TBX5: variants seen among roughly 807,000 people sequenced by gnomAD.
TBX5 encodes T-box transcription factor 5.
A neutral mutation model predicts 51.1 loss-of-function variants in TBX5; 8 were observed. The ratio of observed to expected loss-of-function variants is 0.16; its 90% CI spans 0.09 to 0.28. TBX5 has a LOEUF of 0.28. Ranked by LOEUF, TBX5 falls within the 10% of genes least tolerant of loss-of-function variation. The probability of loss-of-function intolerance (pLI) is 1.00; values close to 1 mark genes in which losing one functional copy is unlikely to be tolerated. For missense variants in TBX5, 589 were observed against 671.7 expected (o/e 0.88, Z 1.36); for synonymous variants, 302 against 266.4 (o/e 1.13, Z -1.30).
chr12:114,366,765 C>A (rs906070806), intron 7 of TBX5, among the ~76,000 whole-genome samples: 2 of 152,168 alleles, frequency 1.3e-5, no homozygotes, highest in African/African-American at 4.8e-5. Flanking sequence ...GCTAGTTAAT[C>A]TGAGTATTTA....
chr12:114,360,622 G>GGATGGATGAGTGGGTA (rs765400433), intron 8 of TBX5, among the ~76,000 whole-genome samples: 1 of 150,800 alleles, frequency 6.6e-6, no homozygotes. Context: ...GGTGATGGCT[G>GGATGGATGAGTGGGTA]GATGGATGAG....
At chr12:114,389,849 T>A (rs1871064571) in intron 6 of TBX5, among the ~76,000 whole-genome samples, 1 of 144,578 alleles carries the variant, frequency 6.9e-6, no homozygotes, top group Non-Finnish European at 1.5e-5. Context: ...GTCTCAGAAG[T>A]AAATGTCGAA....
At chr12:114,391,328 T>C (rs1336116899) in intron 6 of TBX5, among the ~76,000 whole-genome samples, 1 of 152,220 alleles carries the variant, frequency 6.6e-6, no homozygotes, top group Non-Finnish European at 1.5e-5. Context: ...CTTATTTAAA[T>C]TCCCAGTCTT....
rs1055011157 is a variant in TBX5, at chr12:114,405,697, G to A, written c.-108C>T. 2 of 985,474 alleles carry A rather than the reference G, an allele frequency of 2.0e-6. No individual in the cohort carries two copies. The highest frequency in any genetic ancestry group is 1.2e-6 in the Non-Finnish European group (1 of 829,974). The allele number at this position is 985,474 out of a possible 1,614,324, so 61.0% of individuals were successfully genotyped here. A position where few individuals can be genotyped will look rare whatever the true frequency, so the allele number is the denominator to read the frequency against. On this transcript the variant is annotated 5_prime_UTR_variant, in exon 1 of 9. Transcript: ENST00000405440. ...CTAGCAGGGAAGCCGGCGGTGAGGC[G>A]GGGGAGCAGGCATGGTGGCTCCGGG...
At position 114,394,820 on chromosome 12, in the gene TBX5, C is replaced by G. The variant is rs564042302; in HGVS notation, c.584G>C (p.Gly195Ala). The G allele has an allele frequency of 3.1e-6, 5 of 1,614,058 alleles. No homozygotes were observed. The highest frequency in any genetic ancestry group is 3.4e-6 in the Non-Finnish European group (4 of 1,179,992). ...IVKADENNGF[G>A]SKNTAFCTHV... ...AGTGCAGAACGCTGTATTTTTTGAG[C>G]CAAATCCATTATTTTCATCCGCTTT... The change falls in exon 6 of 9, where the codon GGC (glycine) becomes GCC (alanine). Residue 195 changes from glycine (G) to alanine (A), a missense_variant. Physicochemically the swap from Gly to Ala is moderately conservative, Grantham distance 60 (BLOSUM62 0). This residue lies in a region of TBX5 where 20 missense variants were observed against 50.9 expected (regional missense o/e 0.39). Coordinates refer to ENST00000405440, the MANE Select transcript of TBX5 (RefSeq NM_181486.4).
upstream of TBX5, chr12:114,408,193 G>A: frequency 1.0e-6 from 1 of 985,396 alleles, no homozygotes; most frequent in Non-Finnish European, 1.2e-6. Flanking sequence ...TCGCCTATCA[G>A]TGCCGGGTCT....
At chr12:114,405,580 C>A (rs1019219064) in intron 1 of TBX5, 48 bp downstream of exon 1, 2 of 502,206 alleles carry the variant, frequency 4.0e-6, no homozygotes, top group East Asian at 1.5e-4. Context: ...CCGACTCGGC[C>A]GACGAGCTCC....
At position 114,406,046 on chromosome 12, in the gene TBX5, GTC is replaced by G; in HGVS notation, c.-459_-458del. On this transcript the variant is annotated 5_prime_UTR_variant, in exon 1 of 9. Transcript: ENST00000405440. ...GTTCCCGGATTCGAGGTAAGAGTCA[GTC>G]TCTCTCACTCTCTCTCCCTCTCTCT... 1 of 984,856 alleles carries G rather than the reference GTC, an allele frequency of 1.0e-6. No homozygotes were observed. 61.0% of individuals were successfully genotyped at this position (984,856 alleles called of 1,614,324 possible). A position where few individuals can be genotyped will look rare whatever the true frequency, so the allele number is the denominator to read the frequency against.
chr12:114,366,799 C>A (rs191709367), intron 7 of TBX5, among the ~76,000 whole-genome samples: 22 of 152,072 alleles, frequency 1.4e-4, no homozygotes, highest in Non-Finnish European at 2.9e-4. Context: ...TGTGGGTGTC[C>A]ATCTTTAAGG....
chr12:114,371,380 C>T (rs542222054), intron 7 of TBX5, among the ~76,000 whole-genome samples: 3 of 152,220 alleles, frequency 2.0e-5, no homozygotes, highest in South Asian at 4.2e-4. Context: ...TTCTGTTCCA[C>T]GTGAGCGAGT....
chr12:114,396,952 G>C (rs1418863315), intron 5 of TBX5, among the ~76,000 whole-genome samples: 2 of 152,128 alleles, frequency 1.3e-5, no homozygotes, highest in Non-Finnish European at 2.9e-5. Flanking sequence ...AATGCCTTCC[G>C]AGCGCTCCAA....
rs989260918 is a variant in TBX5 at position 114,405,607 on chromosome 12, G to A, written c.-39+21C>T. The A allele has an allele frequency of 1.2e-5, 9 of 763,774 alleles. No homozygotes were observed. The Admixed American group carries it at 3.1e-4, about 27-fold the overall frequency. 47.3% of individuals were successfully genotyped at this position (763,774 alleles called of 1,614,324 possible). On this transcript the variant is annotated intron_variant, in intron 1 of 8. Coordinates refer to ENST00000405440, the MANE Select transcript of TBX5 (RefSeq NM_181486.4). ...ACGAGCTCCCTCCTGAGCCTCCCGG[G>A]CCATCTGCCGGGACGGTTACCTCGT...
In TBX5 at chr12:114,398,474, T is replaced by C. The variant is rs532510929; in HGVS notation, c.510+99A>G. 6.5e-5 allele frequency: 98 copies of C among 1,499,722 alleles called. 3 individuals carry two copies. The South Asian group carries it at 1.2e-3, about 18-fold the overall frequency. 92.9% of individuals were successfully genotyped at this position (1,499,722 alleles called of 1,614,324 possible). ...AAAATGGAGGAAAGAAAAGGAGAAA[T>C]GTAGGCACACAGAGCCAAGAAGGGA... On this transcript the variant is annotated intron_variant, in intron 5 of 8. Transcript: ENST00000405440.
At chr12:114,385,882 C>T (rs376372706) in intron 6 of TBX5, among the ~76,000 whole-genome samples, 1 of 150,684 alleles carries the variant, frequency 6.6e-6, no homozygotes, top group African/African-American at 2.4e-5. Context: ...GTTTTAAACA[C>T]CATCTAGGCC....
intron 3 of TBX5, among the ~76,000 whole-genome samples, chr12:114,400,232 C>G (rs754302050): frequency 2.0e-5 from 3 of 152,210 alleles, no homozygotes; most frequent in Admixed American, 1.3e-4. Context: ...GGGTCTCTAG[C>G]AGGAGTTTAT....
At chr12:114,369,053 C>T (rs1442956487) in intron 7 of TBX5, among the ~76,000 whole-genome samples, 1 of 151,662 alleles carries the variant, frequency 6.6e-6, no homozygotes, top group Non-Finnish European at 1.5e-5. Context: ...AACAATAAAA[C>T]ATTATAAAAG....
chr12:114,388,675 C>CAT (rs1449921736), intron 6 of TBX5, among the ~76,000 whole-genome samples: 1 of 124,382 alleles, frequency 8.0e-6, no homozygotes, highest in Non-Finnish European at 1.6e-5. Flanking sequence ...TTAAAGTATC[C>CAT]GTGTGTGTGT....
At chr12:114,394,172 C>T (rs535678141) in intron 6 of TBX5, among the ~76,000 whole-genome samples, 5 of 152,234 alleles carry the variant, frequency 3.3e-5, no homozygotes, top group African/African-American at 2.4e-5. Context: ...ATTGGCTGAG[C>T]ATAATGATGG....
At chr12:114,366,033 T>C in intron 8 of TBX5, 132 bp downstream of exon 8, 1 of 1,055,460 alleles carries the variant, frequency 9.5e-7, no homozygotes, top group East Asian at 2.6e-5. Flanking sequence ...CTTATCTCCA[T>C]ATATTTTTGT....
Sources: gnomAD v4.1 joint callset for allele counts (sites outside exome capture counted in the v4.1 genomes callset) on GRCh38, gnomAD v4.1.1 for gene constraint, gnomAD v4.1.1 regional missense constraint, MANE v1.5 for transcripts, NCBI Gene and HGNC (gene_info 2026-07-23, HGNC 2026-07-21) for gene names.